The following RAPGEF4 variants were observed in gnomAD, a reference collection of about 807,000 sequenced individuals.
RAPGEF4 encodes the protein RAP guanine-nucleotide-exchange factor (GEF) 4.
Under a neutral mutation model 147.9 loss-of-function variants are expected in RAPGEF4, and 66 were observed. That is an observed-to-expected ratio of 0.45 (90% confidence interval 0.37 to 0.55). RAPGEF4 has a LOEUF of 0.55. Among genes scored for constraint, RAPGEF4 ranks in the 20% least tolerant of loss-of-function variants. The pLI, the probability that RAPGEF4 is intolerant of heterozygous loss-of-function variation, is 0.00. For synonymous variants in RAPGEF4, 419 were observed against 442.7 expected (o/e 0.95, Z 0.67); for missense variants, 1,071 against 1,257.3 (o/e 0.85, Z 2.24).
chr2:173,026,242 A>G lies in RAPGEF4; in HGVS notation c.2254-330A>G, dbSNP rs376496273. On this transcript the variant is annotated intron_variant, in intron 23 of 30. Transcript: ENST00000397081. ...AAAAAGGTCTCCCAGGACTTCTTCC[A>G]TTTTTACCAGGGAAAAGAAGAGTTT... 1.2e-3 allele frequency among the ~76,000 whole-genome samples: 184 copies of G among 152,300 alleles called. 2 individuals are homozygous for G. The highest frequency in any genetic ancestry group is 0.01 in the South Asian group (49 of 4,820).
At chr2:172,840,220 T>TC (rs1437997751) in intron 4 of RAPGEF4, among the ~76,000 whole-genome samples, 10 of 152,212 alleles carry the variant, frequency 6.6e-5, no homozygotes, top group African/African-American at 2.4e-4. Context: ...TCTATTCCTG[T>TC]CAGAGCTGGT....
At chr2:172,853,544 G>A (rs1313795703) in intron 4 of RAPGEF4, among the ~76,000 whole-genome samples, 1 of 151,514 alleles carries the variant, frequency 6.6e-6, no homozygotes, top group African/African-American at 2.4e-5. Context: ...ATTGATTTCT[G>A]ACTTAAAAAA....
chr2:172,798,350 G>GT (rs1686604190), intron 3 of RAPGEF4, among the ~76,000 whole-genome samples: 1 of 152,040 alleles, frequency 6.6e-6, no homozygotes, highest in Non-Finnish European at 1.5e-5. Flanking sequence ...TTTCACATCT[G>GT]CAGTGACTCT....
chr2:172,932,198 C>T (rs1255663111), intron 6 of RAPGEF4, among the ~76,000 whole-genome samples: 1 of 152,138 alleles, frequency 6.6e-6, no homozygotes, highest in African/African-American at 2.4e-5. Flanking sequence ...ATGTTATTTT[C>T]GTTTGTAAGA....
At chr2:172,995,245 T>TTGTGTGTGTG (rs71018528) in intron 15 of RAPGEF4, among the ~76,000 whole-genome samples, 95 of 138,686 alleles carry the variant, frequency 6.9e-4, no homozygotes, top group African/African-American at 2.4e-3. Flanking sequence ...ACTTGCCTGT[T>TTGTGTGTGTG]TGTGTGTGTG....
chr2:172,917,364 C>T lies in RAPGEF4; in HGVS notation c.445-438C>T, dbSNP rs138496047. On this transcript the variant is annotated intron_variant, in intron 4 of 30. Transcript: ENST00000397081. ...CAAAAAAGACATTTTTCTCAAGATG[C>T]GTTTCTTTTTGCTTTGAAAGAAGCT... The T allele has an allele frequency of 1.3e-4, 56 of 435,720 alleles. 1 individual carries two copies. The Middle Eastern group carries it at 1.4e-3, about 11-fold the overall frequency. The allele number at this position is 435,720 out of a possible 1,614,324, so 27.0% of individuals were successfully genotyped here.
At chr2:172,776,895 TATTTCAAC>T (rs1456824795) in intron 1 of RAPGEF4, among the ~76,000 whole-genome samples, 3 of 152,238 alleles carry the variant, frequency 2.0e-5, no homozygotes, top group Admixed American at 6.5e-5. Flanking sequence ...TCTGGTTTGC[TATTTCAAC>T]ATTTCTGTAA....
intron 4 of RAPGEF4, among the ~76,000 whole-genome samples, chr2:172,887,972 A>G (rs1697436022): frequency 6.6e-6 from 1 of 152,144 alleles, no homozygotes; most frequent in Non-Finnish European, 1.5e-5. Flanking sequence ...CATTGTTATT[A>G]GTATCATAAT....
chr2:173,046,756 G>C (rs1304177102), intron 29 of RAPGEF4, among the ~76,000 whole-genome samples: 3 of 152,138 alleles, frequency 2.0e-5, no homozygotes, highest in South Asian at 2.1e-4. Flanking sequence ...CAGTTTTCAC[G>C]ATCTTTGATG....
At chr2:173,030,915 A>G (rs1406844398) in intron 26 of RAPGEF4, among the ~76,000 whole-genome samples, 1 of 152,188 alleles carries the variant, frequency 6.6e-6, no homozygotes, top group Non-Finnish European at 1.5e-5. Context: ...TTAGCTTTGT[A>G]CTCAAAATGT....
intron 1 of RAPGEF4, among the ~76,000 whole-genome samples, chr2:172,758,083 A>C (rs1351118068): frequency 6.6e-6 from 1 of 152,222 alleles, no homozygotes; most frequent in Non-Finnish European, 1.5e-5. Context: ...GAAGACTGTA[A>C]TATTAAATAG....
chr2:172,788,187 C>G (rs996087089), intron 1 of RAPGEF4, among the ~76,000 whole-genome samples: 2 of 152,316 alleles, frequency 1.3e-5, no homozygotes, highest in South Asian at 4.1e-4. Flanking sequence ...CCTCCTAATA[C>G]CATCACTTTA....
chr2:172,891,062 T>A (rs1271272234), intron 4 of RAPGEF4, among the ~76,000 whole-genome samples: 2 of 151,596 alleles, frequency 1.3e-5, no homozygotes, highest in Non-Finnish European at 2.9e-5. Flanking sequence ...ACCTGGGAGG[T>A]GGAGGTTGCA....
intron 4 of RAPGEF4, among the ~76,000 whole-genome samples, chr2:172,848,943 G>T (rs532505656): frequency 6.6e-6 from 1 of 152,116 alleles, no homozygotes; most frequent in Non-Finnish European, 1.5e-5. Context: ...GACTAAAGGA[G>T]ACCATTTTTA....
Position 172,967,321 on chromosome 2 carries a change from A to T in RAPGEF4, c.881A>T (p.His294Leu). The T allele has an allele frequency of 6.2e-7, 1 of 1,612,370 alleles. No homozygotes were observed. Among genetic ancestry groups the T allele is most frequent in the Non-Finnish European group, 8.5e-7 (1 of 1,179,790 alleles). ...YLFYRFLDDE[H>L]EDAPLPTEEE... ...TTCTATCGATTTCTGGATGATGAGC[A>T]CGAGGATGCCCCTTTGCCTACTGAG... Residue 294 changes from histidine (H) to leucine (L), a missense_variant, in exon 10 of 31, where the codon CAC becomes CTC. Transcript: ENST00000397081.
chr2:173,033,879 G>A (rs1344630031), intron 26 of RAPGEF4, 35 bp from the exon 27 acceptor site: 1 of 1,596,090 alleles, frequency 6.3e-7, no homozygotes, highest in Non-Finnish European at 8.6e-7. Context: ...TATTGAATCT[G>A]ACATATGCGT....
In RAPGEF4 at chr2:172,816,523, T is replaced by C. The variant is rs572993605; in HGVS notation, c.444+2098T>C. Reference sequence around the variant, plus strand: ...GATGCTGAGGATATTGCTCTGTTGATGCTACGTTTGATCCCTTGGTTAGGT... The same window carrying C: ...GATGCTGAGGATATTGCTCTGTTGACGCTACGTTTGATCCCTTGGTTAGGT... On this transcript the variant is annotated intron_variant, in intron 4 of 30. Transcript: ENST00000397081. 8.5e-5 allele frequency among the ~76,000 whole-genome samples: 13 copies of C among 152,358 alleles called. No individual in the cohort carries two copies. In the East Asian group the frequency reaches 1.7e-3, roughly 20 times the overall value.
intron 25 of RAPGEF4, 58 bp from the exon 26 acceptor site, chr2:173,030,106 T>C: frequency 8.2e-7 from 1 of 1,217,628 alleles, no homozygotes; most frequent in Non-Finnish European, 1.2e-6. Flanking sequence ...GAACTCTAAT[T>C]TTTTTTATCT....
chr2:173,035,468 G>A (rs1009717965), intron 27 of RAPGEF4, among the ~76,000 whole-genome samples: 16 of 147,754 alleles, frequency 1.1e-4, no homozygotes, highest in South Asian at 4.3e-4. Context: ...CGGAGATCGC[G>A]CCACTGCACT....
Sources: gnomAD v4.1 joint callset for allele counts (sites outside exome capture counted in the v4.1 genomes callset) on GRCh38, gnomAD v4.1.1 for gene constraint, MANE v1.5 for transcripts, NCBI Gene and HGNC (gene_info 2026-07-23, HGNC 2026-07-21) for gene names.